Variants in CCDC150 observed in about 807,000 individuals in gnomAD.
CCDC150 encodes coiled-coil domain-containing protein 150.
A neutral mutation model predicts 156.5 loss-of-function variants in CCDC150; 151 were observed. The ratio of observed to expected loss-of-function variants is 0.97; its 90% CI spans 0.85 to 1.10. The LOEUF (loss-of-function observed/expected upper bound fraction) is 1.10. CCDC150 is among the 50% of genes least tolerant of loss of function. CCDC150 has a pLI of 0.00. For missense variants in CCDC150, 1,312 were observed against 1,268.1 expected (o/e 1.03, Z -0.53); for synonymous variants, 452 against 429.4 (o/e 1.05, Z -0.65).
At chr2:196,668,091 G>C (rs1181216780) in intron 7 of CCDC150, among the ~76,000 whole-genome samples, 1 of 152,152 alleles carries the variant, frequency 6.6e-6, no homozygotes, top group Non-Finnish European at 1.5e-5. Flanking sequence ...GAGGTCAGGA[G>C]ATTGAGACCA....
rs149411239 is a variant in CCDC150 at position 196,709,575 on chromosome 2, GA to G, written c.1696-2569del. ...GGTGAGGAGCTGTGATCCTTTGGGG[GA>G]GAAGAGGCACTCTGGTTTTTAGAAT... is the stretch of plus-strand genomic sequence containing the variant. On this transcript the variant is annotated intron_variant, in intron 15 of 27. Transcript: ENST00000389175. 1.5e-3 allele frequency among the ~76,000 whole-genome samples: 235 copies of G among 152,286 alleles called. 1 individual carries two copies. Among genetic ancestry groups the G allele is most frequent in the African/African-American group, 4.9e-3 (202 of 41,550 alleles).
chr2:196,671,906 G>A (rs894021640), intron 8 of CCDC150, among the ~76,000 whole-genome samples: 8 of 152,140 alleles, frequency 5.3e-5, no homozygotes, highest in Non-Finnish European at 1.2e-4. Context: ...GCTCCTTTGG[G>A]TAAATCCCAA....
At position 196,666,698 on chromosome 2, in the gene CCDC150, G is replaced by T. The variant is rs747110491; in HGVS notation, c.763-21G>T. ...GAAATCTTTATCTCACAGAAAAAGA[G>T]TTTTTCTTATACAATTTCAGGTGCA... is the stretch of plus-strand genomic sequence containing the variant. On this transcript the variant is annotated intron_variant, in intron 6 of 27. Transcript: ENST00000389175. 1.9e-6 allele frequency: 3 copies of T among 1,571,410 alleles called. No individual in the cohort carries two copies. The African/African-American group carries it at 4.1e-5, about 22-fold the overall frequency.
Position 196,728,890 on chromosome 2 carries a change from T to C in CCDC150, c.2557-303T>C, listed in dbSNP as rs114298340. Among the ~76,000 whole-genome samples the C allele has an allele frequency of 1.3e-3, 191 of 152,348 alleles. 1 individual carries two copies. The highest frequency in any genetic ancestry group is 2.4e-3 in the Admixed American group (36 of 15,296). On this transcript the variant is annotated intron_variant, in intron 22 of 27. Coordinates refer to ENST00000389175, the MANE Select transcript of CCDC150 (RefSeq NM_001080539.2). ...AGTTAATTGCTCCAGATCACTCAGCTAGTAAGTACTGAAGCTGATATTTGG... is the reference window on the plus strand; with the variant it reads ...AGTTAATTGCTCCAGATCACTCAGCCAGTAAGTACTGAAGCTGATATTTGG...
At chr2:196,693,336 T>A (rs1406520213) in intron 13 of CCDC150, among the ~76,000 whole-genome samples, 1 of 152,230 alleles carries the variant, frequency 6.6e-6, no homozygotes, top group Non-Finnish European at 1.5e-5. Context: ...TTTATTTCAC[T>A]CAGTATTTCA....
intron 5 of CCDC150, among the ~76,000 whole-genome samples, chr2:196,662,218 A>G (rs2125591462): frequency 6.6e-6 from 1 of 152,340 alleles, no homozygotes; most frequent in East Asian, 1.9e-4. Flanking sequence ...TTATCATTGG[A>G]TAAGTAAGCA....
chr2:196,671,595 T>C (rs953905902), intron 8 of CCDC150, among the ~76,000 whole-genome samples: 4 of 61,126 alleles, frequency 6.5e-5, no homozygotes, highest in Non-Finnish European at 1.3e-4. Context: ...GCCTGGCTAA[T>C]TTTTGTATTT....
intron 13 of CCDC150, among the ~76,000 whole-genome samples, chr2:196,679,488 T>G (rs1003621721): frequency 1.3e-5 from 2 of 152,256 alleles, no homozygotes; most frequent in African/African-American, 4.8e-5. Flanking sequence ...TGTGTGTCAG[T>G]AATCTGCTCC....
intron 14 of CCDC150, among the ~76,000 whole-genome samples, chr2:196,699,121 A>G (rs537226620): frequency 2.0e-5 from 3 of 152,292 alleles, no homozygotes; most frequent in Admixed American, 1.3e-4. Context: ...TAATATATTT[A>G]TCATCATGAG....
chr2:196,665,716 G>A (rs946701360), intron 6 of CCDC150, 33 bp downstream of exon 6: 1 of 1,310,794 alleles, frequency 7.6e-7, no homozygotes, highest in Non-Finnish European at 1.0e-6. Context: ...TGTGGTTTGG[G>A]AAATGAAACC....
intron 15 of CCDC150, among the ~76,000 whole-genome samples, chr2:196,706,226 G>C (rs2125677274): frequency 6.6e-6 from 1 of 152,212 alleles, no homozygotes; most frequent in South Asian, 2.1e-4. Flanking sequence ...TCCTTGAAGA[G>C]GTCCTCCACA....
chr2:196,686,542 G>C (rs1695139702), intron 13 of CCDC150, among the ~76,000 whole-genome samples: 1 of 152,006 alleles, frequency 6.6e-6, no homozygotes, highest in African/African-American at 2.4e-5. Flanking sequence ...TCACTTGATG[G>C]AGATACATTC....
intron 7 of CCDC150, 33 bp from the exon 8 acceptor site, chr2:196,669,800 A>G (rs774245980): frequency 4.8e-6 from 7 of 1,445,686 alleles, no homozygotes; most frequent in Middle Eastern, 1.8e-4. Flanking sequence ...GCAAGTTACT[A>G]TTATCATAGT....
intron 13 of CCDC150, among the ~76,000 whole-genome samples, chr2:196,688,440 A>G (rs865785184): frequency 1.3e-5 from 2 of 152,274 alleles, no homozygotes; most frequent in African/African-American, 4.8e-5. Flanking sequence ...ATCTTTGCAC[A>G]TTGATTTTGT....
chr2:196,656,786 C>T lies in CCDC150; in HGVS notation c.330C>T (p.Leu110=), dbSNP rs774098684. ...LVNRMCRLES[L]MQSLKMNIFR... is the part of the protein sequence containing the mutation. ...ATCGAATGTGCCGTCTTGAAAGCCT[C>T]ATGCAGTCCTTGAAGATGAACATCT... Residue 110 remains leucine (L), a synonymous_variant, in exon 3 of 28, where the codon CTC becomes CTT. Coordinates refer to ENST00000389175, the MANE Select transcript of CCDC150 (RefSeq NM_001080539.2). 1 of 1,613,906 alleles carries T rather than the reference C, an allele frequency of 6.2e-7. No homozygotes were observed. Among genetic ancestry groups the T allele is most frequent in the Non-Finnish European group, 8.5e-7 (1 of 1,179,832 alleles).
intron 13 of CCDC150, among the ~76,000 whole-genome samples, chr2:196,691,026 G>A (rs1695431037): frequency 6.6e-6 from 1 of 152,038 alleles, no homozygotes; most frequent in Admixed American, 6.6e-5. Context: ...TGCATATGTT[G>A]AACTACCTTG....
intron 11 of CCDC150, 118 bp downstream of exon 11, chr2:196,676,385 C>T: frequency 7.1e-7 from 1 of 1,402,480 alleles, no homozygotes; most frequent in Non-Finnish European, 9.7e-7. Flanking sequence ...TTTTTTGGGC[C>T]AGCCACAGAG....
intron 2 of CCDC150, among the ~76,000 whole-genome samples, chr2:196,654,068 A>G (rs1301501250): frequency 6.6e-6 from 1 of 151,884 alleles, no homozygotes; most frequent in Non-Finnish European, 1.5e-5. Context: ...AAAAGTGAGA[A>G]CTCACTCATT....
rs748627732 is a variant in CCDC150 at position 196,666,855 on chromosome 2, A to T, written c.892+7A>T. On this transcript the variant is annotated splice_region_variant and intron_variant, in intron 7 of 27. Coordinates refer to ENST00000389175, the MANE Select transcript of CCDC150 (RefSeq NM_001080539.2). ...CAGCTCAAATCTGATCTAAGTATGA[A>T]AATAGATGCTAGAAATCACCCTCTT... is the stretch of plus-strand genomic sequence containing the variant. 1 of 1,613,568 alleles carries T rather than the reference A, an allele frequency of 6.2e-7. No individual in the cohort carries two copies. Among genetic ancestry groups the T allele is most frequent in the Non-Finnish European group, 8.5e-7 (1 of 1,179,684 alleles).
Sources: gnomAD v4.1 joint callset for allele counts (sites outside exome capture counted in the v4.1 genomes callset) on GRCh38, gnomAD v4.1.1 for gene constraint, MANE v1.5 for transcripts, NCBI Gene and HGNC (gene_info 2026-07-23, HGNC 2026-07-21) for gene names.